The following DDHD1 variants were observed in gnomAD, a reference collection of about 807,000 sequenced individuals.
DDHD1 encodes phospholipase DDHD1.
Under a neutral mutation model 96.4 loss-of-function variants are expected in DDHD1, and 49 were observed. The observed-to-expected ratio is 0.51, with a 90% confidence interval of 0.40 to 0.64. The LOEUF is 0.64. Ranked by LOEUF, DDHD1 falls within the 30% of genes least tolerant of loss-of-function variation. The pLI is 0.00. For synonymous variants in DDHD1, 442 were observed against 446.5 expected, an observed-to-expected ratio of 0.99 and a Z score of 0.13; for missense variants, 1,106 against 1,161.2, an observed-to-expected ratio of 0.95 and a Z score of 0.69.
intron 1 of DDHD1, among the ~76,000 whole-genome samples, chr14:53,143,160 A>G (rs530585600): frequency 2.0e-5 from 3 of 152,344 alleles, no homozygotes; most frequent in African/African-American, 4.8e-5. Flanking sequence ...TCAGGGGCAC[A>G]GTGTACAGCA....
intron 5 of DDHD1, among the ~76,000 whole-genome samples, chr14:53,073,082 A>G (rs942990312): frequency 1.3e-5 from 2 of 152,096 alleles, no homozygotes; most frequent in Non-Finnish European, 2.9e-5. Context: ...TATATCCAGT[A>G]TAACAACTCT....
chr14:53,102,913 C>A (rs1454944797), intron 2 of DDHD1: 2 of 937,908 alleles, frequency 2.1e-6, no homozygotes, highest in East Asian at 5.6e-5. Flanking sequence ...TCATTAGATT[C>A]AGTAGAGCTT....
intron 7 of DDHD1, 42 bp downstream of exon 7, chr14:53,062,901 T>C: frequency 9.4e-6 from 15 of 1,594,284 alleles, no homozygotes; most frequent in Non-Finnish European, 1.3e-5. Flanking sequence ...AGTAATTCCA[T>C]AAAGACATTT....
intron 4 of DDHD1, among the ~76,000 whole-genome samples, chr14:53,086,466 C>A (rs1469583503): frequency 1.3e-5 from 2 of 152,164 alleles, no homozygotes; most frequent in African/African-American, 4.8e-5. Context: ...GGCAGAAACT[C>A]CACAAGCCAG....
At chr14:53,151,677 G>A (rs1273095475) in intron 1 of DDHD1, among the ~76,000 whole-genome samples, 1 of 152,210 alleles carries the variant, frequency 6.6e-6, no homozygotes, top group Non-Finnish European at 1.5e-5. Context: ...CTAAGAGACA[G>A]AATCCAGTAT....
intron 1 of DDHD1, among the ~76,000 whole-genome samples, chr14:53,110,416 T>C (rs72688272): frequency 0.09 from 13,778 of 152,268 alleles, 912 homozygotes; most frequent in Non-Finnish European, 0.14. Flanking sequence ...AAACCCAGAA[T>C]GTGTTGTGCT....
At chr14:53,114,274 G>A (rs1888376046) in intron 1 of DDHD1, among the ~76,000 whole-genome samples, 1 of 152,232 alleles carries the variant, frequency 6.6e-6, no homozygotes, top group Non-Finnish European at 1.5e-5. Flanking sequence ...TGGGGGAAGG[G>A]GTGGCTGTGG....
At chr14:53,084,354 T>A (rs1475116455) in intron 4 of DDHD1, among the ~76,000 whole-genome samples, 2 of 152,180 alleles carry the variant, frequency 1.3e-5, no homozygotes, top group African/African-American at 4.8e-5. Context: ...CTTTTTGGGT[T>A]AGGATTTCCC....
intron 4 of DDHD1, among the ~76,000 whole-genome samples, chr14:53,075,119 T>TG (rs772035076): frequency 1.4e-4 from 22 of 152,072 alleles, no homozygotes; most frequent in East Asian, 5.8e-4. Context: ...GGCCTCTAGG[T>TG]GATCAAGTGA....
intron 1 of DDHD1, among the ~76,000 whole-genome samples, chr14:53,143,509 C>A (rs1274260313): frequency 6.6e-6 from 1 of 152,134 alleles, no homozygotes; most frequent in Admixed American, 6.5e-5. Context: ...TATAATCTGA[C>A]GCGTCCACCT....
intron 12 of DDHD1, 65 bp from the exon 13 acceptor site, chr14:53,047,014 A>C (rs1882066916): frequency 1.6e-6 from 2 of 1,285,736 alleles, no homozygotes; most frequent in Non-Finnish European, 2.0e-6. Flanking sequence ...ATATAGACTT[A>C]CTGGAGTTGA....
intron 1 of DDHD1, among the ~76,000 whole-genome samples, chr14:53,142,460 C>CAAA (rs745636721): frequency 2.8e-5 from 2 of 72,056 alleles, no homozygotes; most frequent in Non-Finnish European, 6.2e-5. Flanking sequence ...GCCGGCATGG[C>CAAA]AAAAAAAAAA....
intron 4 of DDHD1, among the ~76,000 whole-genome samples, chr14:53,087,811 C>T (rs1388190148): frequency 6.6e-6 from 1 of 152,070 alleles, no homozygotes; most frequent in African/African-American, 2.4e-5. Flanking sequence ...TAACTAAGAT[C>T]AGAGCAGAAC....
intron 12 of DDHD1, among the ~76,000 whole-genome samples, chr14:53,049,515 CTG>C (rs1178925944): frequency 6.6e-6 from 1 of 152,038 alleles, no homozygotes; most frequent in East Asian, 1.9e-4. Flanking sequence ...TCTGTATGTG[CTG>C]TGAGATCAGC....
intron 1 of DDHD1, among the ~76,000 whole-genome samples, chr14:53,108,889 C>T (rs928861892): frequency 1.3e-5 from 2 of 152,140 alleles, no homozygotes; most frequent in Non-Finnish European, 2.9e-5. Context: ...GATGCCCTTT[C>T]CCTTTGCATT....
intron 4 of DDHD1, among the ~76,000 whole-genome samples, chr14:53,081,773 G>A (rs925340519): frequency 1.3e-5 from 2 of 152,180 alleles, no homozygotes; most frequent in East Asian, 1.9e-4. Flanking sequence ...CCACAGGATC[G>A]CTATCATAAT....
chr14:53,080,703 T>C (rs1161214486), intron 4 of DDHD1, among the ~76,000 whole-genome samples: 1 of 140,736 alleles, frequency 7.1e-6, no homozygotes, highest in African/African-American at 2.6e-5. Flanking sequence ...TAATTTCATT[T>C]CTTTTCCTTC....
At position 53,055,831 on chromosome 14, in the gene DDHD1, G is replaced by C. The variant is rs149244454; in HGVS notation, c.2074C>G (p.Pro692Ala). The C allele has an allele frequency of 2.5e-6, 4 of 1,613,816 alleles. No individual in the cohort carries two copies. In the East Asian group the frequency reaches 8.9e-5, roughly 36 times the overall value. ...GGCTTCATATGTTCATAAGGTAAAGGATTTGAAGTATTGTACCAGTGGATC... is the reference window on the plus strand; with the variant it reads ...GGCTTCATATGTTCATAAGGTAAAGCATTTGAAGTATTGTACCAGTGGATC... ...VQIHWYNTSN[P>A]LPYEHMKPSF... Residue 692 changes from proline (P) to alanine (A), a missense_variant, in exon 10 of 13, where the codon CCT becomes GCT. Pro to Ala is a conservative substitution (Grantham distance 27). Transcript: ENST00000673822.
At position 53,153,179 on chromosome 14, in the gene DDHD1, C is replaced by A; in HGVS notation, c.-81G>T. 1 of 1,182,558 alleles carries A rather than the reference C, an allele frequency of 8.5e-7. No individual in the cohort carries two copies. Among genetic ancestry groups the A allele is most frequent in the Non-Finnish European group, 1.1e-6 (1 of 909,236 alleles). The allele number at this position is 1,182,558 out of a possible 1,614,324, so 73.3% of individuals were successfully genotyped here. A position where few individuals can be genotyped will look rare whatever the true frequency, so the allele number is the denominator to read the frequency against. On this transcript the variant is annotated 5_prime_UTR_variant, in exon 1 of 13. Transcript: ENST00000673822. ...TTCCGCCACACATTCAACGCCGCCG[C>A]CCTCTCCACCCGAAGTTTCTAATCT... is the stretch of plus-strand genomic sequence containing the variant.
Sources: allele counts gnomAD v4.1 joint callset (sites outside exome capture counted in the v4.1 genomes callset), GRCh38; gene constraint gnomAD v4.1.1; transcripts MANE v1.5; gene names NCBI Gene and HGNC (gene_info 2026-07-23, HGNC 2026-07-21).